The following ATP8A1 variants were observed in gnomAD, a reference collection of about 807,000 sequenced individuals.
ATP8A1 encodes the protein phospholipid-transporting ATPase IA.
A neutral mutation model predicts 177.7 loss-of-function variants in ATP8A1; 90 were observed. The ratio of observed to expected loss-of-function variants is 0.51; its 90% CI spans 0.43 to 0.60. The LOEUF (loss-of-function observed/expected upper bound fraction) is 0.60, where lower values mean the gene tolerates loss of function less well. Ranked by LOEUF, ATP8A1 falls within the 20% of genes least tolerant of loss-of-function variation. The pLI is 0.00. For missense variants in ATP8A1, 1,072 were observed against 1,392.8 expected, an observed-to-expected ratio of 0.77 and a Z score of 3.67; for synonymous variants, 493 against 485.9, an observed-to-expected ratio of 1.01 and a Z score of -0.19.
intron 20 of ATP8A1, among the ~76,000 whole-genome samples, chr4:42,541,983 A>C (rs1348132179): frequency 6.6e-6 from 1 of 152,194 alleles, no homozygotes; most frequent in African/African-American, 2.4e-5. Flanking sequence ...AAACCTATAG[A>C]ATTTACAATA....
chr4:42,503,344 C>A (rs972518647), intron 24 of ATP8A1, 106 bp downstream of exon 24: 4 of 654,994 alleles, frequency 6.1e-6, no homozygotes, highest in Middle Eastern at 4.3e-4. Flanking sequence ...TGATAAGGTA[C>A]CTTGAACCAC....
Position 42,616,063 on chromosome 4 carries a change from C to CA in ATP8A1, c.378dup (p.Asp127Ter), listed in dbSNP as rs778349622. On this transcript the variant is annotated frameshift_variant, in exon 5 of 37. Coordinates refer to ENST00000381668, the MANE Select transcript of ATP8A1 (RefSeq NM_006095.2). LOFTEE classifies it high-confidence loss of function. The stretch of plus-strand genomic sequence containing the variant: ...GTTTGTTTCTTGTTCACTGCATTAT[C>CA]AGCTTTATGTCGTTTCTAAAGTTTA... 6.2e-7 allele frequency: 1 copy of CA among 1,611,746 alleles called. No homozygotes were observed. Among genetic ancestry groups the CA allele is most frequent in the Non-Finnish European group, 8.5e-7 (1 of 1,179,118 alleles).
At chr4:42,621,280 G>T (rs574247171) in intron 4 of ATP8A1, among the ~76,000 whole-genome samples, 16 of 152,330 alleles carry the variant, frequency 1.1e-4, no homozygotes, top group African/African-American at 3.4e-4. Flanking sequence ...TGAAACTGAT[G>T]ATCTAAATGT....
intron 20 of ATP8A1, among the ~76,000 whole-genome samples, chr4:42,533,444 A>G (rs1262649292): frequency 6.6e-6 from 1 of 152,076 alleles, no homozygotes; most frequent in African/African-American, 2.4e-5. Context: ...CCCTGGGAAC[A>G]TAACTCCATT....
intron 1 of ATP8A1, among the ~76,000 whole-genome samples, chr4:42,653,727 G>A (rs1044397608): frequency 1.3e-5 from 2 of 152,126 alleles, no homozygotes; most frequent in African/African-American, 2.4e-5. Context: ...TAGATTCAAT[G>A]AACTCTAAGA....
At chr4:42,515,673 GA>G (rs1366658291) in intron 22 of ATP8A1, among the ~76,000 whole-genome samples, 2 of 152,094 alleles carry the variant, frequency 1.3e-5, no homozygotes, top group Non-Finnish European at 2.9e-5. Flanking sequence ...AGCCTCTCTG[GA>G]ATGACATTGT....
At chr4:42,477,252 C>T (rs1010208986) in intron 25 of ATP8A1, among the ~76,000 whole-genome samples, 3 of 152,324 alleles carry the variant, frequency 2.0e-5, no homozygotes, top group East Asian at 3.9e-4. Flanking sequence ...TGTTCAACCT[C>T]TCTAGTAATC....
intron 5 of ATP8A1, among the ~76,000 whole-genome samples, chr4:42,614,868 C>T (rs1468424258): frequency 6.6e-6 from 1 of 152,186 alleles, no homozygotes; most frequent in African/African-American, 2.4e-5. Flanking sequence ...CTCCATTCCT[C>T]TCTGTTCATC....
In ATP8A1 at chr4:42,566,386, C is replaced by T. The variant is rs116811924; in HGVS notation, c.1340+2775G>A. Among the ~76,000 whole-genome samples, 1,043 of 152,250 alleles carry T rather than the reference C, an allele frequency of 6.9e-3. 8 individuals carry two copies. The highest frequency in any genetic ancestry group is 0.02 in the Middle Eastern group (6 of 294). On this transcript the variant is annotated intron_variant, in intron 15 of 36. Transcript: ENST00000381668. ...TTGGATTTATAGAGTCATCTATACT[C>T]TTTACTCCTGAAGATCAGCATGAAG...
rs867112224 is a variant in ATP8A1 at position 42,576,946 on chromosome 4, G to C, written c.1129-1247C>G. 5.3e-5 allele frequency among the ~76,000 whole-genome samples: 8 copies of C among 152,302 alleles called. No individual in the cohort carries two copies. The Middle Eastern group carries it at 0.01, about 194-fold the overall frequency. ...GACTATCATTCAGAAACAAGATTAA[G>C]CATTTTCTTAATAGATCCATTGGGA... is the stretch of plus-strand genomic sequence containing the variant. On this transcript the variant is annotated intron_variant, in intron 12 of 36. Transcript: ENST00000381668.
chr4:42,461,531 C>T (rs1305319617), intron 27 of ATP8A1, among the ~76,000 whole-genome samples: 1 of 152,294 alleles, frequency 6.6e-6, no homozygotes, highest in East Asian at 1.9e-4. Flanking sequence ...CTTGTTCCTC[C>T]TTGCCTTCCA....
intron 20 of ATP8A1, among the ~76,000 whole-genome samples, chr4:42,528,338 A>G (rs1171303950): frequency 6.6e-6 from 1 of 152,130 alleles, no homozygotes; most frequent in African/African-American, 2.4e-5. Context: ...ATCAAAAACA[A>G]TATCACATCC....
At chr4:42,553,452 G>C (rs115330483) in intron 16 of ATP8A1, among the ~76,000 whole-genome samples, 189 of 152,196 alleles carry the variant, frequency 1.2e-3, no homozygotes, top group African/African-American at 4.5e-3. Context: ...TATGTCCAGG[G>C]GACTCTTACA....
Position 42,569,268 on chromosome 4 carries a change from T to TA in ATP8A1, c.1296-64dup, listed in dbSNP as rs1731673680. On this transcript the variant is annotated intron_variant, in intron 14 of 36. Transcript: ENST00000381668. ...AATAATCACAGAAAGGCTGGAAACA[T>TA]AAAACCACGAAGAAGGGAAGTATAA... is the stretch of plus-strand genomic sequence containing the variant. 3 of 1,330,524 alleles carry TA rather than the reference T, an allele frequency of 2.3e-6. No individual in the cohort carries two copies. In the Admixed American group the frequency reaches 6.3e-5, roughly 28 times the overall value. The allele number at this position is 1,330,524 out of a possible 1,614,324, so 82.4% of individuals were successfully genotyped here. A position where few individuals can be genotyped will look rare whatever the true frequency, so the allele number is the denominator to read the frequency against.
chr4:42,462,487 C>T (rs776012571), intron 27 of ATP8A1, among the ~76,000 whole-genome samples: 1 of 152,226 alleles, frequency 6.6e-6, no homozygotes, highest in African/African-American at 2.4e-5. Context: ...TGGTGTTGAG[C>T]CTGAGAGTGC....
intron 11 of ATP8A1, 59 bp downstream of exon 11, chr4:42,579,754 A>C (rs1266610540): frequency 6.4e-5 from 89 of 1,396,722 alleles, no homozygotes; most frequent in Middle Eastern, 5.3e-4. Flanking sequence ...ATCAAGATCA[A>C]TTGTGAAACA....
chr4:42,565,927 A>G lies in ATP8A1; in HGVS notation c.1340+3234T>C, dbSNP rs771530419. ...ATTGATACTATCAATCTAGAGCAGT[A>G]GATTTTTAATAAAAAGGAATTAATC... On this transcript the variant is annotated intron_variant, in intron 15 of 36. Transcript: ENST00000381668. 5.4e-4 allele frequency among the ~76,000 whole-genome samples: 83 copies of G among 152,342 alleles called. No homozygotes were observed. In the Middle Eastern group the frequency reaches 0.017, roughly 31 times the overall value.
chr4:42,624,631 T>A lies in ATP8A1; in HGVS notation c.268A>T (p.Ile90Leu). The change falls in exon 4 of 37, where the codon ATA becomes TTA. Residue 90 changes from isoleucine to leucine, a missense_variant. Physicochemically the swap from Ile to Leu is conservative, Grantham distance 5. Coordinates refer to ENST00000381668, the MANE Select transcript of ATP8A1 (RefSeq NM_006095.2). Reference sequence around the variant, plus strand: ...CGACCTGTTGGTGACACATCAGGTATTTGCTGTTTGGAAAAAAAAAAAAAA... The same window carrying A: ...CGACCTGTTGGTGACACATCAGGTAATTGCTGTTTGGAAAAAAAAAAAAAA... ...FFLFIALLQQ[I>L]PDVSPTGRYT... 1 of 1,349,666 alleles carries A rather than the reference T, an allele frequency of 7.4e-7. No homozygotes were observed. Among genetic ancestry groups the A allele is most frequent in the South Asian group, 1.9e-5 (1 of 52,426 alleles). 83.6% of individuals were successfully genotyped at this position (1,349,666 alleles called of 1,614,324 possible). A position where few individuals can be genotyped will look rare whatever the true frequency, so the allele number is the denominator to read the frequency against.
intron 1 of ATP8A1, among the ~76,000 whole-genome samples, chr4:42,649,518 T>C (rs1403984545): frequency 6.6e-6 from 1 of 152,202 alleles, no homozygotes; most frequent in Non-Finnish European, 1.5e-5. Flanking sequence ...TAGTTTGTGA[T>C]GAATTTTACT....
Sources: allele counts gnomAD v4.1 joint callset (sites outside exome capture counted in the v4.1 genomes callset), GRCh38; gene constraint gnomAD v4.1.1; transcripts MANE v1.5; gene names NCBI Gene and HGNC (gene_info 2026-07-23, HGNC 2026-07-21).